FARP1: variants seen among roughly 807,000 people sequenced by gnomAD.
FARP1 encodes FERM, ARH/RhoGEF and pleckstrin domain protein 1.
A neutral mutation model predicts 128.8 loss-of-function variants in FARP1; 52 were observed. The ratio of observed to expected loss-of-function variants is 0.40; its 90% CI spans 0.32 to 0.51. FARP1 has a LOEUF of 0.51. FARP1 is among the 20% of genes least tolerant of loss of function. The pLI is 0.45. For missense variants in FARP1, 1,333 were observed against 1,367.9 expected, an observed-to-expected ratio of 0.97 and a Z score of 0.40; for synonymous variants, 580 against 551.8, an observed-to-expected ratio of 1.05 and a Z score of -0.72.
chr13:98,453,271 CA>C lies in FARP1; in HGVS notation c.*4955del. 1 of 1,518,924 alleles carries C rather than the reference CA, an allele frequency of 6.6e-7. No individual in the cohort carries two copies. Among genetic ancestry groups the C allele is most frequent in the Admixed American group, 2.0e-5 (1 of 50,412 alleles). 94.1% of individuals were successfully genotyped at this position (1,518,924 alleles called of 1,614,324 possible). A position where few individuals can be genotyped will look rare whatever the true frequency, so the allele number is the denominator to read the frequency against. On this transcript the variant is annotated 3_prime_UTR_variant, in exon 27 of 27. Coordinates refer to ENST00000319562, the MANE Select transcript of FARP1 (RefSeq NM_005766.4). ...CATTTCTCATCCCTGTGCAAAAATT[CA>C]TATAGTAACCAAAATCTTAGTTTTC...
chr13:98,239,263 G>A (rs548329322), intron 2 of FARP1, among the ~76,000 whole-genome samples: 46 of 152,252 alleles, frequency 3.0e-4, no homozygotes, highest in Non-Finnish European at 5.9e-4. Context: ...ACCCTGGACC[G>A]ACCCTGGTTG....
At chr13:98,233,490 T>C (rs1374350205) in intron 2 of FARP1, among the ~76,000 whole-genome samples, 1 of 151,844 alleles carries the variant, frequency 6.6e-6, no homozygotes, top group Non-Finnish European at 1.5e-5. Context: ...TTCCCCCAAA[T>C]ACACTCATTA....
At chr13:98,373,704 A>G (rs1299861177) in intron 5 of FARP1, among the ~76,000 whole-genome samples, 1 of 152,134 alleles carries the variant, frequency 6.6e-6, no homozygotes, top group African/African-American at 2.4e-5. Flanking sequence ...CTGGTTATAC[A>G]ATTGCTGCTG....
intron 1 of FARP1, among the ~76,000 whole-genome samples, chr13:98,164,878 G>A (rs975754965): frequency 4.6e-5 from 7 of 151,694 alleles, no homozygotes; most frequent in Admixed American, 6.6e-5. Flanking sequence ...TCAGGAGTTC[G>A]AGACCAGCCT....
intron 3 of FARP1, among the ~76,000 whole-genome samples, chr13:98,350,616 G>T (rs907511432): frequency 2.0e-5 from 3 of 152,066 alleles, no homozygotes; most frequent in Admixed American, 2.0e-4. Flanking sequence ...TTGTGTTACC[G>T]CCCTGATCCT....
At chr13:98,306,521 CT>C (rs145068057) in intron 2 of FARP1, among the ~76,000 whole-genome samples, 46 of 148,542 alleles carry the variant, frequency 3.1e-4, no homozygotes, top group Non-Finnish European at 5.5e-4. Context: ...TTCTTTCTTT[CT>C]TTTTTGTTTT....
intron 6 of FARP1, among the ~76,000 whole-genome samples, chr13:98,382,790 G>A (rs964367896): frequency 3.3e-5 from 5 of 151,888 alleles, no homozygotes; most frequent in South Asian, 4.1e-4. Flanking sequence ...TTAGTGCCAC[G>A]CTTTTCGCAT....
At position 98,176,011 on chromosome 13, in the gene FARP1, A is replaced by G; in HGVS notation, c.-24+32519A>G. On this transcript the variant is annotated intron_variant, in intron 1 of 26. Coordinates refer to ENST00000319562, the MANE Select transcript of FARP1 (RefSeq NM_005766.4). The surrounding 1 kb of genome is among the most constrained non-coding windows in gnomAD (Gnocchi z 6.2). ...TCTTGGCTTTTGCAAATAATTCTGC[A>G]GTGAACATGGGAGTGCACATACCTC... 5 of 708,452 alleles carry G rather than the reference A, an allele frequency of 7.1e-6. No homozygotes were observed. Among genetic ancestry groups the G allele is most frequent in the Non-Finnish European group, 1.2e-5 (5 of 414,512 alleles). The allele number at this position is 708,452 out of a possible 1,614,324, so 43.9% of individuals were successfully genotyped here.
chr13:98,264,956 C>T (rs557686409), intron 2 of FARP1, among the ~76,000 whole-genome samples: 1 of 152,310 alleles, frequency 6.6e-6, no homozygotes, highest in Admixed American at 6.5e-5. Context: ...GTTACCGAAC[C>T]TTACAAACTG....
intron 3 of FARP1, among the ~76,000 whole-genome samples, chr13:98,350,080 G>C (rs1044186836): frequency 1.3e-5 from 2 of 152,130 alleles, no homozygotes; most frequent in African/African-American, 4.8e-5. Flanking sequence ...ACAGCCTGCA[G>C]CTGTGGGAAG....
chr13:98,426,009 A>G (rs1461615213), intron 17 of FARP1, among the ~76,000 whole-genome samples: 1 of 152,212 alleles, frequency 6.6e-6, no homozygotes, highest in Non-Finnish European at 1.5e-5. Flanking sequence ...AGAAGCTAGC[A>G]ACCCCTTAAA....
intron 1 of FARP1, among the ~76,000 whole-genome samples, chr13:98,212,746 CTA>C (rs893234401): frequency 6.6e-6 from 1 of 152,120 alleles, no homozygotes; most frequent in African/African-American, 2.4e-5. Context: ...GAGTGTATGT[CTA>C]TTTCCTCAAC....
At chr13:98,264,746 C>G (rs941522664) in intron 2 of FARP1, among the ~76,000 whole-genome samples, 2 of 152,118 alleles carry the variant, frequency 1.3e-5, no homozygotes, top group African/African-American at 4.8e-5. Flanking sequence ...GTAAGAATTA[C>G]TATTCAATAG....
intron 2 of FARP1, among the ~76,000 whole-genome samples, chr13:98,220,657 A>C (rs949755448): frequency 6.6e-6 from 1 of 152,138 alleles, no homozygotes; most frequent in South Asian, 2.1e-4. Context: ...AGAGGAAAAA[A>C]ATTTTTTTCA....
Position 98,176,719 on chromosome 13 carries a change from C to A in FARP1, c.-24+33227C>A. 2 of 1,614,184 alleles carry A rather than the reference C, an allele frequency of 1.2e-6. No homozygotes were observed. Among genetic ancestry groups the A allele is most frequent in the Non-Finnish European group, 1.7e-6 (2 of 1,180,046 alleles). On this transcript the variant is annotated intron_variant, in intron 1 of 26. Transcript: ENST00000319562. This position sits in a 1 kb window ranked among gnomAD's most constrained non-coding sequence, Gnocchi z 6.2. Reference sequence around the variant, plus strand: ...CCCTGGCGCACGTATGGGGCCCTTCCTCGCCATCCCCGAGGAGGAGTTGCC... The same window carrying A: ...CCCTGGCGCACGTATGGGGCCCTTCATCGCCATCCCCGAGGAGGAGTTGCC...
chr13:98,153,482 T>TA (rs1876220833), intron 1 of FARP1, among the ~76,000 whole-genome samples: 2 of 84,720 alleles, frequency 2.4e-5, no homozygotes, highest in South Asian at 8.5e-4. Context: ...ATGTATAATA[T>TA]ATAATACATT....
chr13:98,239,767 C>T (rs1169831718), intron 2 of FARP1, among the ~76,000 whole-genome samples: 1 of 151,882 alleles, frequency 6.6e-6, no homozygotes, highest in Non-Finnish European at 1.5e-5. Context: ...GGAGGGGGTG[C>T]TCAGGTGAGA....
intron 16 of FARP1, among the ~76,000 whole-genome samples, chr13:98,419,099 G>A (rs1891494461): frequency 6.6e-6 from 1 of 152,264 alleles, no homozygotes; most frequent in Admixed American, 6.5e-5. Context: ...TTGACAAGTG[G>A]GCATGTGAAT....
At chr13:98,262,439 TGG>T (rs1566807290) in intron 2 of FARP1, among the ~76,000 whole-genome samples, 2 of 152,012 alleles carry the variant, frequency 1.3e-5, no homozygotes, top group Admixed American at 1.3e-4. Flanking sequence ...CCTGTGAATA[TGG>T]TTTTTCTCTG....
Sources: allele counts gnomAD v4.1 joint callset (sites outside exome capture counted in the v4.1 genomes callset), GRCh38; gene constraint gnomAD v4.1.1; non-coding constraint Gnocchi (gnomAD v3.1); transcripts MANE v1.5; gene names NCBI Gene and HGNC (gene_info 2026-07-23, HGNC 2026-07-21).